Variants in MTMR3 observed in about 807,000 individuals in gnomAD.
MTMR3 encodes the protein myotubularin related protein 3, also known as phosphatidylinositol-3,5-bisphosphate 3-phosphatase MTMR3.
MTMR3 carries 32 observed loss-of-function variants against 132.4 expected under a neutral mutation model. The observed-to-expected ratio is 0.24, with a 90% CI of 0.18 to 0.32. The LOEUF is 0.32. Ranked by LOEUF, MTMR3 falls within the 10% of genes least tolerant of loss-of-function variation. The pLI is 1.00. For missense variants in MTMR3, 1,216 were observed against 1,489.6 expected (o/e 0.82, Z 3.02); for synonymous variants, 556 against 550.3 (o/e 1.01, Z -0.14).
intron 3 of MTMR3, 134 bp downstream of exon 3, chr22:29,971,196 CTT>C (rs909521918): frequency 5.6e-6 from 5 of 891,914 alleles, no homozygotes; most frequent in Admixed American, 3.0e-5. Flanking sequence ...TCCCAGATCT[CTT>C]GTGTCTTTTC....
At chr22:29,954,816 A>G (rs2066156590) in intron 1 of MTMR3, among the ~76,000 whole-genome samples, 1 of 152,178 alleles carries the variant, frequency 6.6e-6, no homozygotes. Flanking sequence ...TTGGACGTAC[A>G]TCTACTTGGG....
At chr22:30,023,873 CTTTT>C (rs34667478) in intron 19 of MTMR3, 188 of 177,286 alleles carry the variant, frequency 1.1e-3, no homozygotes, top group Middle Eastern at 4.7e-3. Flanking sequence ...TCTTTTTTCC[CTTTT>C]TTTTTTTTTT....
chr22:29,952,108 C>T (rs564951112), intron 1 of MTMR3, among the ~76,000 whole-genome samples: 1 of 152,058 alleles, frequency 6.6e-6, no homozygotes, highest in East Asian at 1.9e-4. Context: ...CGAGGCTGGT[C>T]TCGAACTCCT....
intron 1 of MTMR3, among the ~76,000 whole-genome samples, chr22:29,884,541 C>T (rs2064627050): frequency 7.6e-6 from 1 of 130,962 alleles, no homozygotes; most frequent in African/African-American, 2.8e-5. Flanking sequence ...GAAGAGCTTA[C>T]AGAATGACAC....
intron 19 of MTMR3, 115 bp downstream of exon 19, chr22:30,022,812 A>G (rs41169): frequency 2.2e-6 from 2 of 926,444 alleles, no homozygotes; most frequent in Non-Finnish European, 3.3e-6. Flanking sequence ...AGGCAGAGCC[A>G]TGGTCTCATC....
intron 1 of MTMR3, among the ~76,000 whole-genome samples, chr22:29,952,138 G>T (rs930135708): frequency 6.6e-6 from 1 of 152,018 alleles, no homozygotes; most frequent in Middle Eastern, 3.2e-3. Context: ...CCATCTACCC[G>T]CCTTGAGTAA....
intron 1 of MTMR3, among the ~76,000 whole-genome samples, chr22:29,950,294 T>C (rs2066049305): frequency 6.6e-6 from 1 of 152,080 alleles, no homozygotes; most frequent in Non-Finnish European, 1.5e-5. Flanking sequence ...AGTATGTCTT[T>C]TGTTTTCTGT....
intron 14 of MTMR3, 84 bp from the exon 15 acceptor site, chr22:30,016,444 T>C: frequency 1.4e-6 from 2 of 1,459,864 alleles, no homozygotes; most frequent in Non-Finnish European, 1.9e-6. Context: ...CTCAGGGATG[T>C]TAGGATAAGG....
rs772078062 is a variant in MTMR3 at position 30,016,697 on chromosome 22, C to T, written c.1673C>T (p.Ala558Val). 6.2e-6 allele frequency: 10 copies of T among 1,610,622 alleles called. No homozygotes were observed. Among genetic ancestry groups the T allele is most frequent in the Admixed American group, 1.7e-5 (1 of 59,632 alleles). ...CTACTGTATTCCTCTCAGTCAGAAG[C>T]CGTATGTATCCTTCAGCCTTTCCAC... ...KNLLYSSQSE[A>V]VLYPVCHVRN... is the part of the protein sequence containing the mutation. Residue 558 changes from alanine (A) to valine (V), a missense_variant and splice_region_variant, in exon 15 of 20, where the codon GCC becomes GTC. Transcript: ENST00000401950.
intron 1 of MTMR3, among the ~76,000 whole-genome samples, chr22:29,889,650 A>C (rs1463844912): frequency 6.6e-6 from 1 of 151,968 alleles, no homozygotes; most frequent in East Asian, 1.9e-4. Context: ...ATCTGGATGT[A>C]ATGTTTGGTA....
At chr22:29,922,615 G>C (rs555732658) in intron 1 of MTMR3, among the ~76,000 whole-genome samples, 1 of 152,052 alleles carries the variant, frequency 6.6e-6, no homozygotes, top group Non-Finnish European at 1.5e-5. Flanking sequence ...TGGTGTACAC[G>C]TATCTGTGTA....
At chr22:29,991,973 T>A in intron 7 of MTMR3, 1 of 219,788 alleles carries the variant, frequency 4.5e-6, no homozygotes, top group Non-Finnish European at 8.9e-6. Flanking sequence ...TATACATGTG[T>A]GGGAAGACTT....
rs1191933749 is a variant in MTMR3 at position 30,028,477 on chromosome 22, C to T, written c.*2676C>T. On this transcript the variant is annotated 3_prime_UTR_variant, in exon 20 of 20. Coordinates refer to ENST00000401950, the MANE Select transcript of MTMR3 (RefSeq NM_021090.4). ...AGTCACTTCAATACTAGTTCTTGCT[C>T]TTCACAGAGGTAGATTTTTCTTTAC... 6.6e-6 allele frequency: 1 copy of T among 152,380 alleles called. No individual in the cohort carries two copies. Among genetic ancestry groups the T allele is most frequent in the African/African-American group, 2.4e-5 (1 of 41,474 alleles). 9.4% of individuals were successfully genotyped at this position (152,380 alleles called of 1,614,324 possible). A position where few individuals can be genotyped will look rare whatever the true frequency, so the allele number is the denominator to read the frequency against.
intron 1 of MTMR3, among the ~76,000 whole-genome samples, chr22:29,920,588 T>G (rs1355557590): frequency 6.6e-6 from 1 of 152,220 alleles, no homozygotes; most frequent in Non-Finnish European, 1.5e-5. Context: ...TGGTTGCTAT[T>G]TAAACTTTTT....
chr22:29,891,056 A>G (rs2064788328), intron 1 of MTMR3, among the ~76,000 whole-genome samples: 2 of 152,088 alleles, frequency 1.3e-5, no homozygotes, highest in Non-Finnish European at 1.5e-5. Flanking sequence ...GATGGGAAGA[A>G]TGAAGTCAGA....
intron 1 of MTMR3, among the ~76,000 whole-genome samples, chr22:29,945,852 G>C (rs1177694789): frequency 1.3e-5 from 2 of 152,006 alleles, no homozygotes; most frequent in Non-Finnish European, 2.9e-5. Flanking sequence ...AATTTTAAAA[G>C]CAGTCCCAAC....
chr22:29,960,049 G>A (rs1315407994), intron 2 of MTMR3, among the ~76,000 whole-genome samples: 2 of 150,922 alleles, frequency 1.3e-5, no homozygotes, highest in Non-Finnish European at 1.5e-5. Context: ...TTACAGGTGT[G>A]AGCCACTGCC....
chr22:29,938,652 A>T (rs1241675668), intron 1 of MTMR3, among the ~76,000 whole-genome samples: 1 of 152,172 alleles, frequency 6.6e-6, no homozygotes, highest in African/African-American at 2.4e-5. Flanking sequence ...CCGAAATCTG[A>T]GTCTCTGATG....
Position 30,013,367 on chromosome 22 carries a change from C to T in MTMR3, c.1329C>T (p.Val443=). 1 of 1,613,784 alleles carries T rather than the reference C, an allele frequency of 6.2e-7. No individual in the cohort carries two copies. Among genetic ancestry groups the T allele is most frequent in the Non-Finnish European group, 8.5e-7 (1 of 1,179,788 alleles). Residue 443 remains valine (V), a synonymous_variant, in exon 14 of 20, where the codon GTC becomes GTT. Transcript: ENST00000401950. The stretch of plus-strand genomic sequence containing the variant: ...ATGCTTCCCTGCAGGGTTTCCAGGT[C>T]CTCGTGGAAATGGAGTGGCTGGATT... The part of the protein sequence containing the change: ...PYYRTIEGFQ[V]LVEMEWLDFG...
Sources: gnomAD v4.1 joint callset for allele counts (sites outside exome capture counted in the v4.1 genomes callset) on GRCh38, gnomAD v4.1.1 for gene constraint, MANE v1.5 for transcripts, NCBI Gene and HGNC (gene_info 2026-07-23, HGNC 2026-07-21) for gene names.